GRK5: variants seen among roughly 807,000 people sequenced by gnomAD.
The protein encoded by GRK5 is G protein-coupled receptor kinase 5.
GRK5 carries 40 observed loss-of-function variants against 78.4 expected under a neutral mutation model. The ratio of observed to expected loss-of-function variants is 0.51; its 90% confidence interval spans 0.40 to 0.66. The LOEUF (loss-of-function observed/expected upper bound fraction) is 0.66. Among genes scored for constraint, GRK5 ranks in the 30% least tolerant of loss-of-function variants. The pLI, the probability that GRK5 is intolerant of heterozygous loss-of-function variation, is 0.00. For missense variants in GRK5, 598 were observed against 759.9 expected (o/e 0.79, Z 2.50); for synonymous variants, 289 against 296.8 (o/e 0.97, Z 0.27).
At position 119,431,560 on chromosome 10, in the gene GRK5, G is replaced by T. The variant is rs780068014; in HGVS notation, c.738+33G>T. ...AGCATCTGGGCCCAGTGACCGGCTC[G>T]CCCTTCTGTGGACTGGGGCTTCCCT... On this transcript the variant is annotated intron_variant, in intron 8 of 15. Transcript: ENST00000392870. This position sits in a 1 kb window ranked among gnomAD's most constrained non-coding sequence, Gnocchi z 4.8. 2 of 1,602,350 alleles carry T rather than the reference G, an allele frequency of 1.2e-6. No individual in the cohort carries two copies. Among genetic ancestry groups the T allele is most frequent in the Admixed American group, 1.7e-5 (1 of 59,122 alleles).
Position 119,336,504 on chromosome 10 carries a change from A to G in GRK5, c.148+9893A>G, listed in dbSNP as rs1475898217. On this transcript the variant is annotated intron_variant, in intron 2 of 15. Transcript: ENST00000392870. The surrounding 1 kb of genome is among the most constrained non-coding windows in gnomAD (Gnocchi z 4.5). ...TTGTCTAATTAAAAATCAAATGAATAAAGACCAAATACCCTGCCTGATTCC... is the reference window on the plus strand; with the variant it reads ...TTGTCTAATTAAAAATCAAATGAATGAAGACCAAATACCCTGCCTGATTCC... 6.6e-6 allele frequency among the ~76,000 whole-genome samples: 1 copy of G among 152,238 alleles called. No homozygotes were observed. The highest frequency in any genetic ancestry group is 1.5e-5 in the Non-Finnish European group (1 of 68,048).
intron 13 of GRK5, among the ~76,000 whole-genome samples, chr10:119,450,974 T>C (rs1301147625): frequency 4.1e-5 from 2 of 49,148 alleles, no homozygotes; most frequent in Admixed American, 5.4e-4. Context: ...CCCCCCACAG[T>C]CATCCCGCCC....
At chr10:119,225,578 G>T (rs561055323) in intron 1 of GRK5, among the ~76,000 whole-genome samples, 2 of 151,938 alleles carry the variant, frequency 1.3e-5, no homozygotes, top group East Asian at 3.9e-4. Flanking sequence ...TGCAAGGTTT[G>T]TCTAGATACT....
intron 3 of GRK5, among the ~76,000 whole-genome samples, chr10:119,387,605 G>T (rs1448674511): frequency 6.6e-6 from 1 of 152,242 alleles, no homozygotes; most frequent in African/African-American, 2.4e-5. Flanking sequence ...ATTGAAGAGG[G>T]TCTAGGCTAG....
rs765028792 is a variant in GRK5, at chr10:119,443,568, G to A, written c.1082G>A (p.Arg361Lys). The A allele has an allele frequency of 6.2e-7, 1 of 1,611,210 alleles. No individual in the cohort carries two copies. ...GCTCCAGAGGTCCTGAACAACCAGA[G>A]GTACGGCCTGAGCCCCGACTACTGG... ...YMAPEVLNNQ[R>K]YGLSPDYWGL... is the part of the protein sequence containing the mutation. Residue 361 changes from arginine (R) to lysine (K), a missense_variant, in exon 12 of 16, where the codon AGG becomes AAG. Coordinates refer to ENST00000392870, the MANE Select transcript of GRK5 (RefSeq NM_005308.3).
chr10:119,308,941 C>G (rs527580448), intron 1 of GRK5, among the ~76,000 whole-genome samples: 6 of 152,360 alleles, frequency 3.9e-5, no homozygotes, highest in Admixed American at 2.0e-4. Context: ...GGAAAGGACT[C>G]TTCCCTGAGG....
intron 2 of GRK5, among the ~76,000 whole-genome samples, chr10:119,329,512 A>G (rs989696560): frequency 6.6e-6 from 1 of 152,142 alleles, no homozygotes; most frequent in African/African-American, 2.4e-5. Flanking sequence ...GGTGCAGACT[A>G]AAAAGCTCCT....
chr10:119,247,641 A>G (rs1589700456), intron 1 of GRK5, among the ~76,000 whole-genome samples: 1 of 152,154 alleles, frequency 6.6e-6, no homozygotes, highest in Non-Finnish European at 1.5e-5. Flanking sequence ...AGTTTATGCC[A>G]CCTTTGTTTG....
At position 119,230,873 on chromosome 10, in the gene GRK5, A is replaced by G. The variant is rs556140841; in HGVS notation, c.52+22904A>G. Among the ~76,000 whole-genome samples, 13 of 147,656 alleles carry G rather than the reference A, an allele frequency of 8.8e-5. No homozygotes were observed. In the South Asian group the frequency reaches 2.8e-3, roughly 32 times the overall value. On this transcript the variant is annotated intron_variant, in intron 1 of 15. Coordinates refer to ENST00000392870, the MANE Select transcript of GRK5 (RefSeq NM_005308.3). The stretch of plus-strand genomic sequence containing the variant: ...AAAAAAGAGCCACTGAGAGTTTTTC[A>G]GCAGAGGAGGCTCAAAAACTACCTG...
chr10:119,352,521 G>T (rs891977112), intron 2 of GRK5, among the ~76,000 whole-genome samples: 4 of 152,290 alleles, frequency 2.6e-5, no homozygotes, highest in South Asian at 2.1e-4. Flanking sequence ...ACTGCTTCTC[G>T]TTGAAGCTGT....
Position 119,443,560 on chromosome 10 carries a change from C to T in GRK5, c.1074C>T (p.Asn358=). The change falls in exon 12 of 16, where the codon AAC becomes AAT. Residue 358 remains asparagine, a synonymous_variant. Coordinates refer to ENST00000392870, the MANE Select transcript of GRK5 (RefSeq NM_005308.3). ...TVGYMAPEVL[N]NQRYGLSPDY... ...TGCCCCCAGCTCCAGAGGTCCTGAA[C>T]AACCAGAGGTACGGCCTGAGCCCCG... 1 of 1,607,706 alleles carries T rather than the reference C, an allele frequency of 6.2e-7. No individual in the cohort carries two copies. Among genetic ancestry groups the T allele is most frequent in the Non-Finnish European group, 8.5e-7 (1 of 1,174,764 alleles).
At chr10:119,413,749 G>C (rs872802) in intron 4 of GRK5, among the ~76,000 whole-genome samples, 1 of 151,992 alleles carries the variant, frequency 6.6e-6, no homozygotes, top group African/African-American at 2.4e-5. Flanking sequence ...AGAGCAACAG[G>C]AGTAAAAATT....
At chr10:119,306,313 G>A (rs1050048730) in intron 1 of GRK5, among the ~76,000 whole-genome samples, 1 of 152,224 alleles carries the variant, frequency 6.6e-6, no homozygotes, top group Admixed American at 6.5e-5. Flanking sequence ...CTCTGTGTGA[G>A]TCTGTTCAGC....
intron 11 of GRK5, among the ~76,000 whole-genome samples, chr10:119,442,535 T>TC (rs1373541915): frequency 6.6e-6 from 1 of 152,202 alleles, no homozygotes; most frequent in Non-Finnish European, 1.5e-5. Context: ...CTGCCACCTT[T>TC]CCTCAGTCTG....
chr10:119,282,785 C>T (rs568330170), intron 1 of GRK5, among the ~76,000 whole-genome samples: 36 of 152,302 alleles, frequency 2.4e-4, no homozygotes, highest in Middle Eastern at 3.4e-3. Context: ...CAGAGGCTTC[C>T]GGGAGGCTTC....
chr10:119,373,847 C>G (rs1054128017), intron 2 of GRK5, among the ~76,000 whole-genome samples: 1 of 152,154 alleles, frequency 6.6e-6, no homozygotes, highest in African/African-American at 2.4e-5. Context: ...CTGCAAAAGA[C>G]AATAAAGTGA....
rs1044213795 is a variant in GRK5 at position 119,367,936 on chromosome 10, G to A, written c.149-12879G>A. ...CGTGATCCTCGCTAGACCCCGGCCAGTGGCCCAGGAAGAAGCCAGGCGCCT... is the reference window on the plus strand; with the variant it reads ...CGTGATCCTCGCTAGACCCCGGCCAATGGCCCAGGAAGAAGCCAGGCGCCT... On this transcript the variant is annotated intron_variant, in intron 2 of 15. Transcript: ENST00000392870. 2.0e-5 allele frequency among the ~76,000 whole-genome samples: 3 copies of A among 152,256 alleles called. No individual in the cohort carries two copies. The East Asian group carries it at 5.8e-4, about 29-fold the overall frequency.
intron 1 of GRK5, among the ~76,000 whole-genome samples, chr10:119,322,820 T>C (rs932621280): frequency 7.9e-5 from 12 of 152,120 alleles, no homozygotes; most frequent in Non-Finnish European, 1.5e-4. Flanking sequence ...CCCAAAAGAA[T>C]GGAAAGCAGG....
rs542346267 is a variant in GRK5 at position 119,458,915 on chromosome 10, G to C, written c.*3848G>C. Reference sequence around the variant, plus strand: ...CCAGGCCTTGCCAAAGGGGACGGTGGCTTCCTGGATAATTGGAAATCTCTG... The same window carrying C: ...CCAGGCCTTGCCAAAGGGGACGGTGCCTTCCTGGATAATTGGAAATCTCTG... On this transcript the variant is annotated 3_prime_UTR_variant, in exon 16 of 16. Transcript: ENST00000392870. 23 of 152,272 alleles carry C rather than the reference G, an allele frequency of 1.5e-4. No individual in the cohort carries two copies. Among genetic ancestry groups the C allele is most frequent in the African/African-American group, 5.3e-4 (22 of 41,554 alleles). 9.4% of individuals were successfully genotyped at this position (152,272 alleles called of 1,614,324 possible).
Sources: gnomAD v4.1 joint callset for allele counts (sites outside exome capture counted in the v4.1 genomes callset) on GRCh38, gnomAD v4.1.1 for gene constraint, Gnocchi (gnomAD v3.1) non-coding constraint, MANE v1.5 for transcripts, NCBI Gene and HGNC (gene_info 2026-07-23, HGNC 2026-07-21) for gene names.